Variants in GSDMB observed in about 807,000 individuals in gnomAD.
GSDMB encodes gasdermin B.
GSDMB carries 32 observed loss-of-function variants against 42.9 expected under a neutral mutation model. The observed-to-expected ratio is 0.75, with a 90% confidence interval of 0.56 to 1.00. The LOEUF (loss-of-function observed/expected upper bound fraction) is 1.00. Among genes scored for constraint, GSDMB ranks in the 50% least tolerant of loss-of-function variants. GSDMB has a pLI of 0.00. For missense variants in GSDMB, 468 were observed against 498.5 expected (o/e 0.94, Z 0.58); for synonymous variants, 175 against 193.7 (o/e 0.90, Z 0.80).
In GSDMB at chr17:39,904,896, A is replaced by G. The variant is rs752527103; in HGVS notation, c.1167T>C (p.Pro389=). ...ACAGCGCACAGAGAATTCGTGCCTCAGGGTCATAGTCCATGTCAGGAGGAC... is the reference window on the plus strand; with the variant it reads ...ACAGCGCACAGAGAATTCGTGCCTCGGGGTCATAGTCCATGTCAGGAGGAC... ...ASSPPDMDYD[P]EARILCALYV... is the part of the protein sequence containing the mutation. Residue 389 remains proline (P), a synonymous_variant, in exon 11 of 11, where the codon CCT becomes CCC. Coordinates refer to ENST00000418519, the MANE Select transcript of GSDMB (RefSeq NM_001165958.2). 4.3e-6 allele frequency: 7 copies of G among 1,612,844 alleles called. No individual in the cohort carries two copies. The African/African-American group carries it at 9.3e-5, about 22-fold the overall frequency.
chr17:39,914,749 G>A (rs143635800), intron 2 of GSDMB, among the ~76,000 whole-genome samples: 39 of 102,760 alleles, frequency 3.8e-4, no homozygotes, highest in African/African-American at 1.6e-3. Context: ...GCAATAGAGC[G>A]ACACTCCATC....
At position 39,906,255 on chromosome 17, in the gene GSDMB, C is replaced by A; in HGVS notation, c.744G>T (p.Ser248=). The change falls in exon 8 of 11, where the codon TCG becomes TCT. Residue 248 remains serine (S), a synonymous_variant. Coordinates refer to ENST00000418519, the MANE Select transcript of GSDMB (RefSeq NM_001165958.2). ...ASSCLGKSLG[S]EDSRNMKEKL... is the part of the protein sequence containing the mutation. ...TCTCCTTCATGTTTCTGGAATCCTC[C>A]GAACCCAAAGACTTTCCTGTAGAGG... 6.2e-7 allele frequency: 1 copy of A among 1,614,136 alleles called. No homozygotes were observed. Among genetic ancestry groups the A allele is most frequent in the South Asian group, 1.1e-5 (1 of 91,080 alleles).
intron 6 of GSDMB, chr17:39,907,242 C>T: frequency 7.6e-7 from 1 of 1,309,482 alleles, no homozygotes; most frequent in Non-Finnish European, 9.8e-7. Flanking sequence ...AGAAAGGGGG[C>T]AGCATACACT....
At chr17:39,913,434 C>A (rs2063651541) in intron 2 of GSDMB, among the ~76,000 whole-genome samples, 1 of 152,180 alleles carries the variant, frequency 6.6e-6, no homozygotes, top group Non-Finnish European at 1.5e-5. Flanking sequence ...ACCAACCTGG[C>A]CAACATGGTG....
chr17:39,909,088 T>G, intron 4 of GSDMB, 46 bp from the exon 5 acceptor site: 1 of 1,114,294 alleles, frequency 9.0e-7, no homozygotes, highest in South Asian at 1.4e-5. Context: ...TGTTTCTACA[T>G]CATTATCTTG....
chr17:39,916,386 A>T (rs2063711495), intron 2 of GSDMB, among the ~76,000 whole-genome samples: 1 of 150,394 alleles, frequency 6.6e-6, no homozygotes, highest in African/African-American at 2.5e-5. Flanking sequence ...GGGTTCAAGC[A>T]ATTCTCTTGC....
chr17:39,915,475 G>A (rs1598280395), intron 2 of GSDMB, among the ~76,000 whole-genome samples: 1 of 152,168 alleles, frequency 6.6e-6, no homozygotes, highest in African/African-American at 2.4e-5. Context: ...GACTGACTTA[G>A]TCAATTTTTT....
At chr17:39,908,351 GTTTT>G (rs1460319411) in intron 5 of GSDMB, 137 bp from the exon 6 acceptor site, 20 of 577,602 alleles carry the variant, frequency 3.5e-5, no homozygotes, top group Non-Finnish European at 3.1e-6. Context: ...AAAGACAACT[GTTTT>G]TTGTTTTTGT....
chr17:39,917,573 AAT>A lies in GSDMB; in HGVS notation c.-14-245_-14-244del, dbSNP rs1484415261. Reference sequence around the variant, plus strand: ...ATTTGTTCCTGCCCCACCCTGATACAATATAGTCTCCCCGCCGCCGCCCTTAA... The same window carrying A: ...ATTTGTTCCTGCCCCACCCTGATACAATAGTCTCCCCGCCGCCGCCCTTAA... On this transcript the variant is annotated intron_variant, in intron 1 of 10. Transcript: ENST00000418519. 3.8e-5 allele frequency: 16 copies of A among 417,954 alleles called. 1 individual carries two copies. The African/African-American group carries it at 4.0e-4, about 11-fold the overall frequency. The allele number at this position is 417,954 out of a possible 1,614,324, so 25.9% of individuals were successfully genotyped here. A position where few individuals can be genotyped will look rare whatever the true frequency, so the allele number is the denominator to read the frequency against.
In GSDMB at chr17:39,905,991, G is replaced by T; in HGVS notation, c.889-6C>A. ...GAAATCAGGACCTCAGATACCTAGGGCCAGGAAGTGTGGGAGATGAGCAGC... is the reference window on the plus strand; with the variant it reads ...GAAATCAGGACCTCAGATACCTAGGTCCAGGAAGTGTGGGAGATGAGCAGC... On this transcript the variant is annotated splice_region_variant and splice_polypyrimidine_tract_variant and intron_variant, in intron 8 of 10. Transcript: ENST00000418519. The T allele has an allele frequency of 6.2e-7, 1 of 1,613,802 alleles. No homozygotes were observed. The highest frequency in any genetic ancestry group is 8.5e-7 in the Non-Finnish European group (1 of 1,179,806).
At position 39,916,797 on chromosome 17, in the gene GSDMB, CAT is replaced by C. The variant is rs533683836; in HGVS notation, c.235+283_235+284del. On this transcript the variant is annotated intron_variant, in intron 2 of 10. Transcript: ENST00000418519. ...TACTTATTCATTTAAATGATAAACA[CAT>C]GAGAAGAGCTCGCTAAATTAAAAGC... Among the ~76,000 whole-genome samples, 21 of 152,248 alleles carry C rather than the reference CAT, an allele frequency of 1.4e-4. No homozygotes were observed. In the South Asian group the frequency reaches 3.7e-3, roughly 27 times the overall value.
At chr17:39,918,163 T>A (rs941393160) in intron 1 of GSDMB, 1 of 152,202 alleles carries the variant, frequency 6.6e-6, no homozygotes, top group Non-Finnish European at 1.5e-5. Context: ...CGGGCACGGT[T>A]GCCAGACTTC....
At chr17:39,911,857 G>A (rs577213002) in intron 3 of GSDMB, among the ~76,000 whole-genome samples, 1 of 152,032 alleles carries the variant, frequency 6.6e-6, no homozygotes, top group African/African-American at 2.4e-5. Context: ...TAAACCACCA[G>A]GTTTGGAGGT....
chr17:39,909,449 C>A (rs1183274880), intron 4 of GSDMB: 5 of 394,340 alleles, frequency 1.3e-5, no homozygotes, highest in African/African-American at 4.1e-5. Flanking sequence ...GTAATCCCAG[C>A]ACTTTGGGAG....
At chr17:39,906,625 G>A (rs2063509303) in intron 7 of GSDMB, 27 of 1,303,418 alleles carry the variant, frequency 2.1e-5, no homozygotes, top group Non-Finnish European at 2.5e-5. Context: ...TTAAAGCAGT[G>A]GTTCTCAACC....
At chr17:39,909,650 G>T in intron 4 of GSDMB, 106 bp downstream of exon 4, 1 of 1,012,618 alleles carries the variant, frequency 9.9e-7, no homozygotes, top group Non-Finnish European at 1.5e-6. Context: ...GAGCAGCAGG[G>T]CTGCTCGGAG....
Position 39,904,960 on chromosome 17 carries a change from T to A in GSDMB, c.1103A>T (p.Lys368Ile). 5 of 1,613,372 alleles carry A rather than the reference T, an allele frequency of 3.1e-6. No homozygotes were observed. The highest frequency in any genetic ancestry group is 4.2e-6 in the Non-Finnish European group (5 of 1,179,632). ...GTLPLLKDQV[K>I]SVMEQNWDEL... is the part of the protein sequence containing the mutation. Reference sequence around the variant, plus strand: ...ATCCCAGTTCTGCTCCATGACAGATTTCACCTGGAAGGAAACCCCCCAGAT... The same window carrying A: ...ATCCCAGTTCTGCTCCATGACAGATATCACCTGGAAGGAAACCCCCCAGAT... The change falls in exon 11 of 11, where the codon AAA (lysine) becomes ATA (isoleucine). Residue 368 changes from lysine to isoleucine, a missense_variant. Lys to Ile is a moderately radical substitution (Grantham distance 102). Transcript: ENST00000418519.
intron 3 of GSDMB, 27 bp from the exon 4 acceptor site, chr17:39,909,951 T>C (rs2063578053): frequency 6.3e-7 from 1 of 1,581,620 alleles, no homozygotes; most frequent in Non-Finnish European, 8.7e-7. Flanking sequence ...GAGATGAGAG[T>C]TAAGGATCTC....
chr17:39,908,067 G>T, intron 6 of GSDMB, 109 bp downstream of exon 6: 1 of 721,320 alleles, frequency 1.4e-6, no homozygotes, highest in Non-Finnish European at 2.5e-6. Context: ...CCCACCTGTG[G>T]GTGCGTCTTA....
Sources: gnomAD v4.1 joint callset for allele counts (sites outside exome capture counted in the v4.1 genomes callset) on GRCh38, gnomAD v4.1.1 for gene constraint, MANE v1.5 for transcripts, NCBI Gene and HGNC (gene_info 2026-07-23, HGNC 2026-07-21) for gene names.